RBL2: variants seen among roughly 807,000 people sequenced by gnomAD.
The protein encoded by RBL2 is RB transcriptional corepressor like 2.
In RBL2, 56 loss-of-function variants were observed where a neutral mutation model predicts 126.0. The ratio of observed to expected loss-of-function variants is 0.44; its 90% CI spans 0.36 to 0.56. RBL2 has a LOEUF of 0.56. RBL2 is among the 20% of genes least tolerant of loss of function. The pLI is 0.00. For missense variants in RBL2, 1,229 were observed against 1,398.2 expected (o/e 0.88, Z 1.93); for synonymous variants, 454 against 478.5 (o/e 0.95, Z 0.67).
At chr16:53,486,333 C>T (rs1417674860) in intron 21 of RBL2, among the ~76,000 whole-genome samples, 1 of 152,072 alleles carries the variant, frequency 6.6e-6, no homozygotes, top group Non-Finnish European at 1.5e-5. Flanking sequence ...TGACAATGCA[C>T]ATGAAATAGA....
rs1413935110 is a variant in RBL2 at position 53,465,425 on chromosome 16, T to A, written c.1699-13T>A. The A allele has an allele frequency of 7.2e-7, 1 of 1,385,056 alleles. No homozygotes were observed. The highest frequency in any genetic ancestry group is 9.4e-7 in the Non-Finnish European group (1 of 1,058,474). The allele number at this position is 1,385,056 out of a possible 1,614,324, so 85.8% of individuals were successfully genotyped here. ...AATAATTATTCAGTGAACCAAGACATTTTTTATTTCAGGTGATAGAAGTAT... is the reference window on the plus strand; with the variant it reads ...AATAATTATTCAGTGAACCAAGACAATTTTTATTTCAGGTGATAGAAGTAT... On this transcript the variant is annotated splice_polypyrimidine_tract_variant and intron_variant, in intron 12 of 21. Transcript: ENST00000262133.
At chr16:53,480,275 A>T (rs1364008806) in intron 19 of RBL2, 1 of 520,638 alleles carries the variant, frequency 1.9e-6, no homozygotes, top group Non-Finnish European at 3.4e-6. Flanking sequence ...ATGCTATGGA[A>T]ATACCATCCC....
chr16:53,461,218 C>T (rs992335692), intron 9 of RBL2, among the ~76,000 whole-genome samples: 20 of 152,142 alleles, frequency 1.3e-4, no homozygotes, highest in African/African-American at 4.3e-4. Flanking sequence ...CCCGGCCGGG[C>T]GAAGTGGCTC....
Position 53,457,711 on chromosome 16 carries a change from C to T in RBL2, c.1180-1740C>T, listed in dbSNP as rs118090564. Among the ~76,000 whole-genome samples the T allele has an allele frequency of 6.6e-3, 1,003 of 152,142 alleles. 9 individuals are homozygous for T. The highest frequency in any genetic ancestry group is 0.022 in the African/African-American group (898 of 41,496). On this transcript the variant is annotated intron_variant, in intron 8 of 21. Transcript: ENST00000262133. The stretch of plus-strand genomic sequence containing the variant: ...GAACATCCTAATATTTTTAAGATAC[C>T]GACTTAATATTTGCACCCAAGTTAA...
chr16:53,449,516 AC>A (rs2058093070), intron 4 of RBL2: 1 of 149,030 alleles, frequency 6.7e-6, no homozygotes. Context: ...AATCGCTTGA[AC>A]CTGGGAAGCG....
chr16:53,455,837 G>C (rs1367272109), intron 8 of RBL2, among the ~76,000 whole-genome samples: 2 of 152,156 alleles, frequency 1.3e-5, no homozygotes, highest in Non-Finnish European at 2.9e-5. Flanking sequence ...CAGTGAGAAT[G>C]CTAGTGTGGT....
In RBL2 at chr16:53,438,949, T is replaced by C. The variant is rs549176570; in HGVS notation, c.241-67T>C. On this transcript the variant is annotated intron_variant, in intron 1 of 21. Coordinates refer to ENST00000262133, the MANE Select transcript of RBL2 (RefSeq NM_005611.4). ...AACAACACTTTCAATTTAAACATAC[T>C]TTTAAAAATATTGAAATATTTATAT... 116 of 1,145,760 alleles carry C rather than the reference T, an allele frequency of 1.0e-4. 1 individual carries two copies. The African/African-American group carries it at 1.3e-3, about 13-fold the overall frequency. 71.0% of individuals were successfully genotyped at this position (1,145,760 alleles called of 1,614,324 possible).
chr16:53,465,734 G>A, intron 13 of RBL2, 132 bp downstream of exon 13: 1 of 664,146 alleles, frequency 1.5e-6, no homozygotes, highest in Non-Finnish European at 2.2e-6. Context: ...GAAAAATCTT[G>A]GACTGTAACG....
intron 8 of RBL2, among the ~76,000 whole-genome samples, chr16:53,459,015 T>A (rs1220574167): frequency 6.6e-6 from 1 of 152,192 alleles, no homozygotes; most frequent in African/African-American, 2.4e-5. Flanking sequence ...CAATTTTCTT[T>A]TATCTTTGAG....
Position 53,453,556 on chromosome 16 carries a change from A to G in RBL2, c.871A>G (p.Lys291Glu). The change falls in exon 6 of 22, where the codon AAG becomes GAG. Residue 291 changes from lysine (K) to glutamate (E), a missense_variant. Transcript: ENST00000262133. The stretch of plus-strand genomic sequence containing the variant: ...ACATGATGGCCTAGTTTTGGAAGCA[A>G]AGGGGATAAAGGAACATTTCTGGAA... ...SLHDGLVLEA[K>E]GIKEHFWKPY... The G allele has an allele frequency of 6.2e-7, 1 of 1,613,562 alleles. No individual in the cohort carries two copies. Among genetic ancestry groups the G allele is most frequent in the Non-Finnish European group, 8.5e-7 (1 of 1,179,672 alleles).
intron 10 of RBL2, among the ~76,000 whole-genome samples, chr16:53,462,246 A>G (rs908313793): frequency 4.6e-5 from 7 of 152,220 alleles, no homozygotes; most frequent in African/African-American, 1.4e-4. Context: ...TAGTAAGCCA[A>G]TTACATACCT....
chr16:53,465,493 A>G lies in RBL2; in HGVS notation c.1754A>G (p.His585Arg), dbSNP rs1211670475. 2 of 1,596,596 alleles carry G rather than the reference A, an allele frequency of 1.3e-6. No individual in the cohort carries two copies. The highest frequency in any genetic ancestry group is 1.7e-6 in the Non-Finnish European group (2 of 1,172,150). Residue 585 changes from histidine (H) to arginine (R), a missense_variant, in exon 13 of 22, where the codon CAC (histidine) becomes CGC (arginine). His to Arg is a conservative substitution (Grantham distance 29). Transcript: ENST00000262133. ...EDGLCREVVK[H>R]LNQIEEQILD... ...GGCCTTTGTAGAGAGGTGGTAAAAC[A>G]CCTTAATCAGATTGAAGAACAGATC...
intron 7 of RBL2, chr16:53,454,143 C>G (rs1251368555): frequency 1.2e-5 from 5 of 424,876 alleles, no homozygotes; most frequent in African/African-American, 6.1e-5. Context: ...CAGCAAAATA[C>G]TTGTACTGTG....
intron 5 of RBL2, 31 bp downstream of exon 5, chr16:53,451,862 A>T (rs752811169): frequency 6.2e-6 from 10 of 1,609,872 alleles, no homozygotes; most frequent in African/African-American, 1.3e-5. Flanking sequence ...TTTTTGGGCA[A>T]TCTGCGTTTC....
intron 2 of RBL2, among the ~76,000 whole-genome samples, chr16:53,441,833 CTTTTTT>C (rs1192976072): frequency 1.1e-4 from 16 of 151,270 alleles, no homozygotes; most frequent in African/African-American, 3.9e-4. Flanking sequence ...TTTTCTTTTT[CTTTTTT>C]GAGACAGAGT....
At chr16:53,474,888 T>A (rs1356254909) in intron 17 of RBL2, among the ~76,000 whole-genome samples, 2 of 152,196 alleles carry the variant, frequency 1.3e-5, no homozygotes, top group East Asian at 3.9e-4. Context: ...TGCCTTTTTT[T>A]TTAATTTACA....
chr16:53,434,508 G>A lies in RBL2; in HGVS notation c.-49G>A. 7.4e-7 allele frequency: 1 copy of A among 1,349,488 alleles called. No individual in the cohort carries two copies. Among genetic ancestry groups the A allele is most frequent in the Non-Finnish European group, 9.5e-7 (1 of 1,055,256 alleles). The allele number at this position is 1,349,488 out of a possible 1,614,324, so 83.6% of individuals were successfully genotyped here. A position where few individuals can be genotyped will look rare whatever the true frequency, so the allele number is the denominator to read the frequency against. On this transcript the variant is annotated 5_prime_UTR_variant, in exon 1 of 22. Transcript: ENST00000262133. ...GGCGCTTCGCCGTTTGAATGGCTGC[G>A]GGCCCGGGCCCTCACCTCACCTGAG...
intron 17 of RBL2, among the ~76,000 whole-genome samples, chr16:53,471,404 C>T (rs981394451): frequency 6.6e-6 from 1 of 152,080 alleles, no homozygotes; most frequent in South Asian, 2.1e-4. Context: ...CTCATTAACA[C>T]TTACTATCTT....
intron 18 of RBL2, 25 bp downstream of exon 18, chr16:53,479,250 GA>G: frequency 6.3e-7 from 1 of 1,585,082 alleles, no homozygotes; most frequent in Non-Finnish European, 8.7e-7. Context: ...TCTATGGGCT[GA>G]AAAATAAAGC....
Sources: allele counts gnomAD v4.1 joint callset (sites outside exome capture counted in the v4.1 genomes callset), GRCh38; gene constraint gnomAD v4.1.1; transcripts MANE v1.5; gene names NCBI Gene and HGNC (gene_info 2026-07-23, HGNC 2026-07-21).